Variants in ZFHX4 observed in about 807,000 individuals in gnomAD.
ZFHX4 encodes the protein zinc finger homeobox protein 4.
In ZFHX4, 56 loss-of-function variants were observed where a neutral mutation model predicts 267.6. That is an observed-to-expected ratio of 0.21 (90% CI 0.17 to 0.26). The LOEUF (loss-of-function observed/expected upper bound fraction) is 0.26. Ranked by LOEUF, ZFHX4 falls within the 10% of genes least tolerant of loss-of-function variation. The probability of loss-of-function intolerance (pLI) is 1.00; values close to 1 mark genes in which losing one functional copy is unlikely to be tolerated. For synonymous variants in ZFHX4, 1,778 were observed against 1,665.6 expected, an observed-to-expected ratio of 1.07 and a Z score of -1.64; for missense variants, 4,332 against 4,420.0, an observed-to-expected ratio of 0.98 and a Z score of 0.56.
intron 5 of ZFHX4, among the ~76,000 whole-genome samples, chr8:76,835,257 A>ATGTATATATATGTG (rs1362241615): frequency 2.1e-5 from 3 of 143,754 alleles, no homozygotes; most frequent in East Asian, 2.0e-4. Flanking sequence ...ATATATATAT[A>ATGTATATATATGTG]TATTCATACA....
intron 3 of ZFHX4, among the ~76,000 whole-genome samples, chr8:76,744,278 G>A (rs555313287): frequency 6.0e-4 from 91 of 152,154 alleles, no homozygotes; most frequent in Admixed American, 1.9e-3. Context: ...CCCAGGAGGC[G>A]GAGGTTGCGG....
At chr8:76,721,362 T>C (rs901004804) in intron 3 of ZFHX4, among the ~76,000 whole-genome samples, 3 of 152,188 alleles carry the variant, frequency 2.0e-5, no homozygotes, top group Non-Finnish European at 2.9e-5. Flanking sequence ...AAGTATATGT[T>C]GTTTGATGTT....
intron 3 of ZFHX4, among the ~76,000 whole-genome samples, chr8:76,714,425 A>G (rs139577503): frequency 1.3e-5 from 2 of 152,318 alleles, no homozygotes; most frequent in Non-Finnish European, 2.9e-5. Flanking sequence ...TGTTGCTGGA[A>G]ATTCAAGCCT....
intron 3 of ZFHX4, among the ~76,000 whole-genome samples, chr8:76,714,331 G>A (rs1220947782): frequency 6.6e-6 from 1 of 152,146 alleles, no homozygotes; most frequent in African/African-American, 2.4e-5. Flanking sequence ...CTTGGCCCTG[G>A]GTGGAGTGAG....
In ZFHX4 at chr8:76,705,915, G is replaced by T; in HGVS notation, c.1827G>T (p.Pro609=). 6.2e-7 allele frequency: 1 copy of T among 1,613,724 alleles called. No individual in the cohort carries two copies. The highest frequency in any genetic ancestry group is 8.5e-7 in the Non-Finnish European group (1 of 1,179,848). ...CAGGGCCTGGAGGAGACGGCTCACC[G>T]GGCAGTGGCATCGAGTGTCCAAAGT... The part of the protein sequence containing the change: ...GTPGPGGDGS[P]GSGIECPKCD... The change falls in exon 2 of 11, where the codon CCG becomes CCT. Residue 609 remains proline, a synonymous_variant. Transcript: ENST00000651372.
chr8:76,839,421 T>A (rs1344930275), intron 5 of ZFHX4, among the ~76,000 whole-genome samples: 2 of 152,174 alleles, frequency 1.3e-5, no homozygotes, highest in Non-Finnish European at 2.9e-5. Context: ...AAAATGAATA[T>A]GTATTATCAT....
Position 76,855,151 on chromosome 8 carries a change from A to G in ZFHX4, c.8230A>G (p.Ser2744Gly). Reference sequence around the variant, plus strand: ...GCCATTAACTAAAATTGATCTATCAAGTGAGAATGAATTGGCTTCTACAGT... The same window carrying G: ...GCCATTAACTAAAATTGATCTATCAGGTGAGAATGAATTGGCTTCTACAGT... ...SLPLTKIDLS[S>G]ENELASTVST... Residue 2744 changes from serine to glycine, a missense_variant, in exon 10 of 11, where the codon AGT becomes GGT. Physicochemically the swap from Ser to Gly is moderately conservative, Grantham distance 56. Around this residue, in one of 7 missense-constraint regions of ZFHX4, gnomAD observed 1,648 missense variants for 1,625.0 expected, o/e 1.01. Transcript: ENST00000651372. The G allele has an allele frequency of 6.2e-7, 1 of 1,613,740 alleles. No homozygotes were observed. Among genetic ancestry groups the G allele is most frequent in the Non-Finnish European group, 8.5e-7 (1 of 1,179,784 alleles).
chr8:76,793,996 G>A (rs1234988623), intron 4 of ZFHX4, among the ~76,000 whole-genome samples: 3 of 152,196 alleles, frequency 2.0e-5, no homozygotes, highest in African/African-American at 4.8e-5. Context: ...CTTGATGCCC[G>A]CTGGCCCTTT....
rs200115998 is a variant in ZFHX4, at chr8:76,705,638, T to G, written c.1550T>G (p.Phe517Cys). 1.9e-5 allele frequency: 31 copies of G among 1,613,840 alleles called. No individual in the cohort carries two copies. Among genetic ancestry groups the G allele is most frequent in the Non-Finnish European group, 2.6e-5 (31 of 1,179,840 alleles). Residue 517 changes from phenylalanine to cysteine, a missense_variant, in exon 2 of 11, where the codon TTT (phenylalanine) becomes TGT (cysteine). Physicochemically the swap from Phe to Cys is radical, Grantham distance 205. This residue lies in a region of ZFHX4 where 1,195 missense variants were observed against 1,173.6 expected (regional missense o/e 1.02). Coordinates refer to ENST00000651372, the MANE Select transcript of ZFHX4 (RefSeq NM_024721.5). Reference sequence around the variant, plus strand: ...CCTTTATCATCCAGTGTGCTAAAATTTATTGAAAAGGGTACCTCGTCCTCC... The same window carrying G: ...CCTTTATCATCCAGTGTGCTAAAATGTATTGAAAAGGGTACCTCGTCCTCC... ...ISPLSSSVLK[F>C]IEKGTSSSSA...
intron 3 of ZFHX4, among the ~76,000 whole-genome samples, chr8:76,748,312 G>A (rs16939351): frequency 0.11 from 16,608 of 152,180 alleles, 1,261 homozygotes; most frequent in East Asian, 0.25. Context: ...TCTTCTCTCC[G>A]ATTTGCTGAG....
intron 3 of ZFHX4, among the ~76,000 whole-genome samples, chr8:76,723,141 G>T (rs1486221962): frequency 4.6e-5 from 7 of 152,046 alleles, no homozygotes; most frequent in Non-Finnish European, 7.4e-5. Context: ...TTTCAAGTCA[G>T]CCAAGTGTGA....
chr8:76,807,671 T>C (rs1384981633), intron 4 of ZFHX4, among the ~76,000 whole-genome samples: 1 of 152,178 alleles, frequency 6.6e-6, no homozygotes, highest in Non-Finnish European at 1.5e-5. Flanking sequence ...AATCAGGCTG[T>C]TGGAGACTCA....
intron 4 of ZFHX4, among the ~76,000 whole-genome samples, chr8:76,790,306 G>A (rs1274745152): frequency 6.6e-6 from 1 of 152,018 alleles, no homozygotes; most frequent in African/African-American, 2.4e-5. Flanking sequence ...TACTATCTCT[G>A]ATTTTCATCT....
intron 10 of ZFHX4, among the ~76,000 whole-genome samples, chr8:76,861,117 T>A (rs1240501675): frequency 1.3e-5 from 2 of 152,192 alleles, no homozygotes; most frequent in Admixed American, 6.5e-5. Context: ...CATATACCAG[T>A]AATGCTTGGG....
chr8:76,863,901 T>A lies in ZFHX4; in HGVS notation c.10187T>A (p.Val3396Asp), dbSNP rs1251007978. 1 of 1,579,134 alleles carries A rather than the reference T, an allele frequency of 6.3e-7. No homozygotes were observed. The highest frequency in any genetic ancestry group is 8.6e-7 in the Non-Finnish European group (1 of 1,161,620). Residue 3396 changes from valine (V) to aspartate (D), a missense_variant, in exon 11 of 11, where the codon GTT (valine) becomes GAT (aspartate). Physicochemically the swap from Val to Asp is radical, Grantham distance 152. Around this residue, in one of 7 missense-constraint regions of ZFHX4, gnomAD observed 1,648 missense variants for 1,625.0 expected, o/e 1.01. Coordinates refer to ENST00000651372, the MANE Select transcript of ZFHX4 (RefSeq NM_024721.5). ...KSADFSDTYVVPFVKYEFICR... is the reference protein window; with the variant it reads ...KSADFSDTYVDPFVKYEFICR... ...GCAGACTTTTCAGACACTTACGTTG[T>A]TCCATTCGTCAAGTATGAGTTTATA... is the stretch of plus-strand genomic sequence containing the variant.
chr8:76,730,726 C>T (rs1808986590), intron 3 of ZFHX4, among the ~76,000 whole-genome samples: 1 of 151,908 alleles, frequency 6.6e-6, no homozygotes, highest in African/African-American at 2.4e-5. Flanking sequence ...ATAAATAAAA[C>T]TATTTTAAAG....
chr8:76,814,712 G>A (rs1391790149), intron 4 of ZFHX4, among the ~76,000 whole-genome samples: 1 of 152,146 alleles, frequency 6.6e-6, no homozygotes, highest in East Asian at 1.9e-4. Context: ...CATGTATTCA[G>A]GTGAGGGACT....
At chr8:76,803,916 G>A (rs189507377) in intron 4 of ZFHX4, among the ~76,000 whole-genome samples, 3 of 152,166 alleles carry the variant, frequency 2.0e-5, no homozygotes, top group East Asian at 3.9e-4. Flanking sequence ...TTATACAAAA[G>A]TGATTTGCCC....
In ZFHX4 at chr8:76,848,998, T is replaced by A; in HGVS notation, c.3515T>A (p.Ile1172Lys). The A allele has an allele frequency of 6.6e-7, 1 of 1,526,246 alleles. No individual in the cohort carries two copies. The highest frequency in any genetic ancestry group is 8.8e-7 in the Non-Finnish European group (1 of 1,139,832). The allele number at this position is 1,526,246 out of a possible 1,614,324, so 94.5% of individuals were successfully genotyped here. Residue 1172 changes from isoleucine to lysine, a missense_variant, in exon 7 of 11, where the codon ATA becomes AAA. Around this residue, in one of 7 missense-constraint regions of ZFHX4, gnomAD observed 1,371 missense variants for 1,423.1 expected, o/e 0.96. Transcript: ENST00000651372. ...EGKNSNKDSG[I>K]ITPEKELKVS... The stretch of plus-strand genomic sequence containing the variant: ...TTCTATTCTTTTTGGGAATCAGGGA[T>A]AATCACACCAGAGAAGGAACTAAAA...
Sources: allele counts gnomAD v4.1 joint callset (sites outside exome capture counted in the v4.1 genomes callset), GRCh38; gene constraint gnomAD v4.1.1; regional missense constraint gnomAD v4.1.1; transcripts MANE v1.5; gene names NCBI Gene and HGNC (gene_info 2026-07-23, HGNC 2026-07-21).